FGF13: variants seen among roughly 807,000 people sequenced by gnomAD.
FGF13 encodes the protein fibroblast growth factor 13.
A neutral mutation model predicts 19.5 loss-of-function variants in FGF13; 2 were observed. The ratio of observed to expected loss-of-function variants is 0.10; its 90% CI spans 0.04 to 0.32. The LOEUF (loss-of-function observed/expected upper bound fraction) is 0.32, where lower values mean the gene tolerates loss of function less well. Ranked by LOEUF, FGF13 falls within the 10% of genes least tolerant of loss-of-function variation. The probability of loss-of-function intolerance (pLI) is 1.00; values close to 1 mark genes in which losing one functional copy is unlikely to be tolerated. For missense variants in FGF13, 113 were observed against 192.7 expected, an observed-to-expected ratio of 0.59 and a Z score of 2.45; for synonymous variants, 72 against 76.9, an observed-to-expected ratio of 0.94 and a Z score of 0.33.
chrX:138,673,746 A>G, intron 3 of FGF13, among the ~76,000 whole-genome samples: 1 of 111,246 alleles, frequency 9.0e-6, no homozygotes, highest in Non-Finnish European at 1.9e-5. Flanking sequence ...GAGAGAGAGA[A>G]AGAAAGAAAA....
At chrX:138,983,414 T>TATATATATA (rs2091972165) in intron 1 of FGF13, among the ~76,000 whole-genome samples, 2 of 81,196 alleles carry the variant, frequency 2.5e-5, no homozygotes, top group African/African-American at 4.3e-5. Flanking sequence ...TAAGTTGATC[T>TATATATATA]TATATATATA....
chrX:139,082,443 C>G (rs973727825), intron 1 of FGF13, among the ~76,000 whole-genome samples: 4 of 111,652 alleles, frequency 3.6e-5, no homozygotes, highest in African/African-American at 1.3e-4. Context: ...AGGGTCTTTT[C>G]AGAGGTAATC....
chrX:138,771,506 A>T (rs370076483), intron 3 of FGF13, among the ~76,000 whole-genome samples: 1 of 111,664 alleles, frequency 9.0e-6, no homozygotes, highest in East Asian at 2.8e-4. Context: ...TCTGAAGTCA[A>T]ATTTAACTGG....
chrX:138,895,898 G>A (rs992429271), intron 1 of FGF13, among the ~76,000 whole-genome samples: 7 of 111,759 alleles, frequency 6.3e-5, no homozygotes, highest in South Asian at 7.4e-4. Context: ...AATAAGCCAG[G>A]CACACAAGGT....
At chrX:138,914,731 T>C (rs1191279421) in intron 1 of FGF13, among the ~76,000 whole-genome samples, 1 of 109,478 alleles carries the variant, frequency 9.1e-6, no homozygotes, top group Non-Finnish European at 1.9e-5. Flanking sequence ...CCCATGCTTA[T>C]GTTGGAAAGG....
At chrX:138,774,573 T>C (rs1165101217) in intron 3 of FGF13, among the ~76,000 whole-genome samples, 2 of 111,596 alleles carry the variant, frequency 1.8e-5, no homozygotes, top group Non-Finnish European at 3.8e-5. Context: ...CCATTATGCT[T>C]TCCTAGACCT....
chrX:138,969,579 C>T (rs189052393), intron 1 of FGF13, among the ~76,000 whole-genome samples: 17 of 111,632 alleles, frequency 1.5e-4, no homozygotes, highest in African/African-American at 5.2e-4. Flanking sequence ...TGAAATTTCT[C>T]ATAAGATAGT....
chrX:138,871,001 C>A lies in FGF13; in HGVS notation c.-112-6351G>T, dbSNP rs1279049786. Among the ~76,000 whole-genome samples the A allele has an allele frequency of 2.7e-5, 3 of 112,084 alleles. No individual in the cohort carries two copies. The Admixed American group carries it at 2.8e-4, about 11-fold the overall frequency. ...AATTTTGGCCTAGGGAGATGGGTGT[C>A]TGATTTCTGACCTACAGAAATGTAG... On this transcript the variant is annotated intron_variant, in intron 1 of 2. Coordinates refer to the FGF13 transcript ENST00000421460.
chrX:138,801,159 C>T lies in FGF13; in HGVS notation c.217+56353G>A, dbSNP rs756337936. On this transcript the variant is annotated intron_variant, in intron 3 of 6. Transcript: ENST00000436198. ...TTACAATCATTTGGAGGAGAAGAGG[C>T]ATTCTGGTTTTTGAAATTTTCAGCA... is the stretch of plus-strand genomic sequence containing the variant. Among the ~76,000 whole-genome samples the T allele has an allele frequency of 1.2e-4, 14 of 112,253 alleles. No individual in the cohort carries two copies. In the East Asian group the frequency reaches 4.0e-3, roughly 32 times the overall value.
At chrX:138,916,477 G>A (rs1304236708) in intron 1 of FGF13, among the ~76,000 whole-genome samples, 2 of 111,847 alleles carry the variant, frequency 1.8e-5, no homozygotes, top group African/African-American at 6.5e-5. Context: ...CCATCAGACA[G>A]GGACAGCAAT....
chrX:138,859,932 T>C (rs1276731876), intron 2 of FGF13, among the ~76,000 whole-genome samples: 2 of 111,533 alleles, frequency 1.8e-5, no homozygotes, highest in Non-Finnish European at 3.8e-5. Context: ...ACAGTAACCA[T>C]AGGCACAGAA....
chrX:138,814,137 T>C (rs999519017), intron 3 of FGF13, among the ~76,000 whole-genome samples: 3 of 110,751 alleles, frequency 2.7e-5, no homozygotes, highest in Non-Finnish European at 5.7e-5. Flanking sequence ...ATAGGATGAC[T>C]CAATAGTATA....
intron 1 of FGF13, among the ~76,000 whole-genome samples, chrX:139,087,308 G>A (rs2083411214): frequency 9.3e-6 from 1 of 107,562 alleles, no homozygotes. Context: ...AAAAAAAAAA[G>A]AATAAGAAAC....
chrX:138,841,126 A>C (rs1036381731), intron 3 of FGF13, among the ~76,000 whole-genome samples: 3 of 111,025 alleles, frequency 2.7e-5, no homozygotes, highest in Non-Finnish European at 5.7e-5. Flanking sequence ...TACTTAGCTA[A>C]TTCGATCATA....
Position 138,996,412 on chromosome X carries a change from A to T in FGF13, c.-112-131762T>A, listed in dbSNP as rs957716472. On this transcript the variant is annotated intron_variant, in intron 1 of 2. Coordinates refer to the FGF13 transcript ENST00000421460. ...GGCTCGGCATGTCCCACTCCCACGG[A>T]GCCCAGCAAGCCAAGATCCATTGGT... Among the ~76,000 whole-genome samples, 3 of 112,980 alleles carry T rather than the reference A, an allele frequency of 2.7e-5. No homozygotes were observed. The East Asian group carries it at 8.4e-4, about 32-fold the overall frequency.
In FGF13 at chrX:138,808,359, T is replaced by C. The variant is rs773643611; in HGVS notation, c.217+49153A>G. 4.0e-3 allele frequency among the ~76,000 whole-genome samples: 449 copies of C among 111,768 alleles called. 1 individual carries two copies. The highest frequency in any genetic ancestry group is 6.8e-3 in the Non-Finnish European group (359 of 53,117). ...AATGACTACTGGGTACATAATAAAATGAAGGCAGAAATAAAGATGTTCTTT... is the reference window on the plus strand; with the variant it reads ...AATGACTACTGGGTACATAATAAAACGAAGGCAGAAATAAAGATGTTCTTT... On this transcript the variant is annotated intron_variant, in intron 3 of 6. Coordinates refer to the FGF13 transcript ENST00000436198.
chrX:138,930,358 G>T (rs1333386122), intron 1 of FGF13, among the ~76,000 whole-genome samples: 1 of 112,179 alleles, frequency 8.9e-6, no homozygotes, highest in Admixed American at 9.4e-5. Flanking sequence ...TAAAAGCAAA[G>T]TTTAGATTGT....
At chrX:138,896,058 T>C (rs1295439210) in intron 1 of FGF13, among the ~76,000 whole-genome samples, 1 of 112,008 alleles carries the variant, frequency 8.9e-6, no homozygotes, top group Non-Finnish European at 1.9e-5. Flanking sequence ...AGCATTTCAA[T>C]TAGGAGGAAT....
chrX:138,679,787 G>C (rs747899572), intron 3 of FGF13, among the ~76,000 whole-genome samples: 1 of 111,781 alleles, frequency 8.9e-6, no homozygotes, highest in East Asian at 2.9e-4. Flanking sequence ...GCTATTTAAG[G>C]TCAGGATGAT....
Sources: gnomAD v4.1 joint callset for allele counts (sites outside exome capture counted in the v4.1 genomes callset) on GRCh38, gnomAD v4.1.1 for gene constraint, MANE v1.5 for transcripts, NCBI Gene and HGNC (gene_info 2026-07-23, HGNC 2026-07-21) for gene names.